The following GALNT18 variants were observed in gnomAD, a reference collection of about 807,000 sequenced individuals.
GALNT18 encodes polypeptide N-acetylgalactosaminyltransferase 18.
In GALNT18, 44 loss-of-function variants were observed where a neutral mutation model predicts 69.5. The ratio of observed to expected loss-of-function variants is 0.63; its 90% CI spans 0.50 to 0.81. GALNT18 has a LOEUF of 0.81. GALNT18 is among the 40% of genes least tolerant of loss of function. The pLI is 0.00. For missense variants in GALNT18, 715 were observed against 810.0 expected, an observed-to-expected ratio of 0.88 and a Z score of 1.42; for synonymous variants, 364 against 318.2, an observed-to-expected ratio of 1.14 and a Z score of -1.53.
Position 11,578,493 on chromosome 11 carries a change from C to T in GALNT18, c.235+42866G>A, listed in dbSNP as rs371559258. 3.3e-5 allele frequency among the ~76,000 whole-genome samples: 5 copies of T among 152,316 alleles called. No homozygotes were observed. The South Asian group carries it at 8.3e-4, about 25-fold the overall frequency. On this transcript the variant is annotated intron_variant, in intron 1 of 10. Transcript: ENST00000227756. ...TAAAAAGTAAATTGCAGTTTGAGTG[C>T]ACCTGGTAATGTGTGCAATGGCCTT... is the stretch of plus-strand genomic sequence containing the variant.
intron 1 of GALNT18, among the ~76,000 whole-genome samples, chr11:11,507,096 G>A (rs150358780): frequency 6.6e-6 from 1 of 152,316 alleles, no homozygotes; most frequent in African/African-American, 2.4e-5. Flanking sequence ...CTGTGAGTTG[G>A]TTGGCTTCCT....
chr11:11,370,086 A>C (rs887012822), intron 6 of GALNT18, among the ~76,000 whole-genome samples: 4 of 150,776 alleles, frequency 2.7e-5, no homozygotes, highest in South Asian at 2.1e-4. Flanking sequence ...GAAAAAAAAA[A>C]CCACTATTAC....
chr11:11,274,476 G>A (rs1019315302), intron 10 of GALNT18, among the ~76,000 whole-genome samples: 2 of 152,192 alleles, frequency 1.3e-5, no homozygotes, highest in African/African-American at 4.8e-5. Context: ...AGCAGTCTGA[G>A]GTTGACCTGG....
chr11:11,526,664 C>T (rs1313451292), intron 1 of GALNT18, among the ~76,000 whole-genome samples: 1 of 152,142 alleles, frequency 6.6e-6, no homozygotes, highest in Non-Finnish European at 1.5e-5. Flanking sequence ...GATCTCTGCT[C>T]CTGTGTCATC....
chr11:11,363,906 G>C (rs1386171459), intron 6 of GALNT18, among the ~76,000 whole-genome samples: 1 of 150,886 alleles, frequency 6.6e-6, no homozygotes, highest in Non-Finnish European at 1.5e-5. Flanking sequence ...GAGTCAAAAG[G>C]ACCCATGGAC....
At chr11:11,516,420 T>C (rs1442899349) in intron 1 of GALNT18, among the ~76,000 whole-genome samples, 5 of 152,080 alleles carry the variant, frequency 3.3e-5, no homozygotes, top group African/African-American at 1.2e-4. Context: ...TCACCTGAGG[T>C]TGGGAGTTCG....
At chr11:11,552,205 G>A (rs1352357961) in intron 1 of GALNT18, among the ~76,000 whole-genome samples, 1 of 152,176 alleles carries the variant, frequency 6.6e-6, no homozygotes, top group Middle Eastern at 3.2e-3. Context: ...AAGAGGCAGG[G>A]TTTCCAGGCA....
rs1856889054 is a variant in GALNT18 at position 11,497,442 on chromosome 11, C to T, written c.236-48506G>A. ...TGGAGCAAGACTTTATGGGTCCCTG[C>T]TCTTATGCAGGGCCTGTTCACCTGC... On this transcript the variant is annotated intron_variant, in intron 1 of 10. Transcript: ENST00000227756. The surrounding 1 kb of genome is among the most constrained non-coding windows in gnomAD (Gnocchi z 4.2). 6.7e-6 allele frequency among the ~76,000 whole-genome samples: 1 copy of T among 149,762 alleles called. No homozygotes were observed.
chr11:11,594,020 A>G (rs1040341060), intron 1 of GALNT18, among the ~76,000 whole-genome samples: 2 of 152,186 alleles, frequency 1.3e-5, no homozygotes, highest in Non-Finnish European at 2.9e-5. Context: ...TAGGCTACAT[A>G]GTAGATTCTC....
chr11:11,341,058 ACC>A lies in GALNT18; in HGVS notation c.1093-56_1093-55del. On this transcript the variant is annotated intron_variant, in intron 6 of 10. Transcript: ENST00000227756. This position sits in a 1 kb window ranked among gnomAD's most constrained non-coding sequence, Gnocchi z 6.3. Reference sequence around the variant, plus strand: ...AGCCTGCCTGGCTCTGCCTTTCTACACCAGGCCTCAGGCAGCCACTTGACATG... The same window carrying A: ...AGCCTGCCTGGCTCTGCCTTTCTACAAGGCCTCAGGCAGCCACTTGACATG... 6.6e-7 allele frequency: 1 copy of A among 1,517,570 alleles called. No individual in the cohort carries two copies. The highest frequency in any genetic ancestry group is 8.9e-7 in the Non-Finnish European group (1 of 1,125,336). 94.0% of individuals were successfully genotyped at this position (1,517,570 alleles called of 1,614,324 possible). A position where few individuals can be genotyped will look rare whatever the true frequency, so the allele number is the denominator to read the frequency against.
Position 11,377,400 on chromosome 11 carries a change from C to A in GALNT18, c.780-21G>T, listed in dbSNP as rs1853793142. 1 of 1,611,174 alleles carries A rather than the reference C, an allele frequency of 6.2e-7. No homozygotes were observed. The highest frequency in any genetic ancestry group is 1.7e-5 in the Admixed American group (1 of 59,988). ...CAGCCCTGGGCAGAGAGGAGACAGC[C>A]AGAGAGGGTAACCATTTCCAAGGTG... is the stretch of plus-strand genomic sequence containing the variant. On this transcript the variant is annotated intron_variant, in intron 4 of 10. Transcript: ENST00000227756. The surrounding 1 kb of genome is among the most constrained non-coding windows in gnomAD (Gnocchi z 4.6).
intron 3 of GALNT18, among the ~76,000 whole-genome samples, chr11:11,411,664 A>T (rs1854730797): frequency 6.6e-6 from 1 of 152,150 alleles, no homozygotes; most frequent in African/African-American, 2.4e-5. Flanking sequence ...AATATTAGAG[A>T]TGCTCTCTCA....
intron 1 of GALNT18, among the ~76,000 whole-genome samples, chr11:11,485,839 C>T (rs1183218114): frequency 6.6e-6 from 1 of 152,190 alleles, no homozygotes; most frequent in Non-Finnish European, 1.5e-5. Flanking sequence ...GCAGGGAAAC[C>T]TTGTGTGGTA....
At chr11:11,351,829 G>A (rs1349373991) in intron 6 of GALNT18, 7 of 820,994 alleles carry the variant, frequency 8.5e-6, no homozygotes, top group African/African-American at 3.4e-5. Flanking sequence ...CACAAGCAAC[G>A]GTTCAGACAC....
intron 9 of GALNT18, among the ~76,000 whole-genome samples, chr11:11,295,791 C>A (rs1022666000): frequency 1.3e-5 from 2 of 152,054 alleles, no homozygotes; most frequent in Non-Finnish European, 2.9e-5. Flanking sequence ...TTTTCTATAA[C>A]AAAGGTGAAG....
rs181451218 is a variant in GALNT18, at chr11:11,553,117, C to A, written c.235+68242G>T. ...TGCATTCTGGGGCCCAAATGATATA[C>A]CCACTGAAGCAGAAACTCTGGGGTG... On this transcript the variant is annotated intron_variant, in intron 1 of 10. Coordinates refer to ENST00000227756, the MANE Select transcript of GALNT18 (RefSeq NM_198516.3). 1.3e-4 allele frequency among the ~76,000 whole-genome samples: 20 copies of A among 152,324 alleles called. No individual in the cohort carries two copies. In the East Asian group the frequency reaches 3.9e-3, roughly 29 times the overall value.
In GALNT18 at chr11:11,293,025, T is replaced by C; in HGVS notation, c.1677+4A>G. On this transcript the variant is annotated splice_donor_region_variant and intron_variant, in intron 10 of 10. Coordinates refer to ENST00000227756, the MANE Select transcript of GALNT18 (RefSeq NM_198516.3). ...CCACTGTGCCCGGGCTCTGGGGCTG[T>C]TACCTGAGAGAACTGCCAGTGAAGC... The C allele has an allele frequency of 7.3e-7, 1 of 1,369,340 alleles. No homozygotes were observed. The highest frequency in any genetic ancestry group is 2.0e-4 in the Middle Eastern group (1 of 5,058). The allele number at this position is 1,369,340 out of a possible 1,614,324, so 84.8% of individuals were successfully genotyped here. A position where few individuals can be genotyped will look rare whatever the true frequency, so the allele number is the denominator to read the frequency against.
In GALNT18 at chr11:11,562,260, TG is replaced by T. The variant is rs983536315; in HGVS notation, c.235+59098del. ...TGTTCCAGGCTCTCTCTTTGGCTTC[TG>T]GCTGGCTGTCTTCTTGTGTCTCTTC... On this transcript the variant is annotated intron_variant, in intron 1 of 10. Coordinates refer to ENST00000227756, the MANE Select transcript of GALNT18 (RefSeq NM_198516.3). This position sits in a 1 kb window ranked among gnomAD's most constrained non-coding sequence, Gnocchi z 4.1. Among the ~76,000 whole-genome samples the T allele has an allele frequency of 2.6e-5, 4 of 152,234 alleles. No homozygotes were observed. The highest frequency in any genetic ancestry group is 5.9e-5 in the Non-Finnish European group (4 of 68,044).
chr11:11,286,110 C>T (rs534127080), intron 10 of GALNT18, among the ~76,000 whole-genome samples: 1 of 152,110 alleles, frequency 6.6e-6, no homozygotes, highest in Non-Finnish European at 1.5e-5. Context: ...GCCCTGCATA[C>T]CCTTGAACTC....
Sources: allele counts gnomAD v4.1 joint callset (sites outside exome capture counted in the v4.1 genomes callset), GRCh38; gene constraint gnomAD v4.1.1; non-coding constraint Gnocchi (gnomAD v3.1); transcripts MANE v1.5; gene names NCBI Gene and HGNC (gene_info 2026-07-23, HGNC 2026-07-21).